Variants in RAB3C observed in about 807,000 individuals in gnomAD.
RAB3C encodes ras-related protein Rab-3C.
Under a neutral mutation model 26.4 loss-of-function variants are expected in RAB3C, and 17 were observed. The ratio of observed to expected loss-of-function variants is 0.64; its 90% CI spans 0.44 to 0.97. The LOEUF (loss-of-function observed/expected upper bound fraction) is 0.97. Among genes scored for constraint, RAB3C ranks in the 50% least tolerant of loss-of-function variants. The pLI, the probability that RAB3C is intolerant of heterozygous loss-of-function variation, is 0.00. For synonymous variants in RAB3C, 91 were observed against 95.9 expected (o/e 0.95, Z 0.30); for missense variants, 242 against 281.9 (o/e 0.86, Z 1.01).
At chr5:58,788,681 G>C (rs576458221) in intron 3 of RAB3C, among the ~76,000 whole-genome samples, 1 of 152,244 alleles carries the variant, frequency 6.6e-6, no homozygotes, top group South Asian at 2.1e-4. Context: ...GGGAGAGAAA[G>C]GAGGGACATT....
At chr5:58,849,420 A>G (rs1243178614) in intron 4 of RAB3C, among the ~76,000 whole-genome samples, 1 of 152,192 alleles carries the variant, frequency 6.6e-6, no homozygotes, top group Non-Finnish European at 1.5e-5. Flanking sequence ...GCTTAGATCC[A>G]TGCTTGCCTT....
At chr5:58,836,124 A>G (rs369338305) in intron 4 of RAB3C, among the ~76,000 whole-genome samples, 7 of 152,314 alleles carry the variant, frequency 4.6e-5, no homozygotes, top group South Asian at 2.1e-4. Context: ...CTGTTAGACA[A>G]TCAGTGTATC....
intron 3 of RAB3C, among the ~76,000 whole-genome samples, chr5:58,756,632 G>T (rs1385927414): frequency 6.8e-6 from 1 of 146,342 alleles, no homozygotes; most frequent in African/African-American, 2.5e-5. Context: ...CATATTTTGG[G>T]TACCATTATA....
At chr5:58,710,234 G>A (rs1288700277) in intron 2 of RAB3C, among the ~76,000 whole-genome samples, 2 of 152,024 alleles carry the variant, frequency 1.3e-5, no homozygotes. Context: ...CAACTAATAA[G>A]TAAATTGGAC....
intron 2 of RAB3C, among the ~76,000 whole-genome samples, chr5:58,712,644 C>A (rs1749085698): frequency 6.6e-6 from 1 of 152,164 alleles, no homozygotes; most frequent in Non-Finnish European, 1.5e-5. Flanking sequence ...CCTACCTCAG[C>A]CTCCCAAGTA....
intron 2 of RAB3C, among the ~76,000 whole-genome samples, chr5:58,719,724 C>A (rs929415907): frequency 1.3e-5 from 2 of 151,862 alleles, no homozygotes; most frequent in Non-Finnish European, 2.9e-5. Context: ...TCTGCCTCTG[C>A]CTTTACATGG....
Position 58,757,758 on chromosome 5 carries a change from A to G in RAB3C, c.371+31638A>G, listed in dbSNP as rs371171566. Among the ~76,000 whole-genome samples, 97 of 152,354 alleles carry G rather than the reference A, an allele frequency of 6.4e-4. 2 individuals carry two copies. In the South Asian group the frequency reaches 0.018, roughly 29 times the overall value. ...CATGCTAGTATCTAGTTTCTCATCAAGATTTCCCTCTAGATTTAGCATCCA... is the reference window on the plus strand; with the variant it reads ...CATGCTAGTATCTAGTTTCTCATCAGGATTTCCCTCTAGATTTAGCATCCA... On this transcript the variant is annotated intron_variant, in intron 3 of 4. Coordinates refer to ENST00000282878, the MANE Select transcript of RAB3C (RefSeq NM_138453.4).
intron 2 of RAB3C, among the ~76,000 whole-genome samples, chr5:58,694,720 C>T (rs975227256): frequency 6.6e-6 from 1 of 152,194 alleles, no homozygotes; most frequent in Non-Finnish European, 1.5e-5. Flanking sequence ...CTGTTGGCTG[C>T]ATAGATGTCT....
chr5:58,757,643 A>G (rs1741703778), intron 3 of RAB3C, among the ~76,000 whole-genome samples: 1 of 152,178 alleles, frequency 6.6e-6, no homozygotes. Context: ...AATCAGCCAT[A>G]CAAGTGTTTT....
At chr5:58,731,688 G>T (rs993750485) in intron 3 of RAB3C, among the ~76,000 whole-genome samples, 1 of 152,152 alleles carries the variant, frequency 6.6e-6, no homozygotes, top group African/African-American at 2.4e-5. Context: ...CTTCAGAGGT[G>T]CTTTATGAAT....
At chr5:58,717,131 A>G (rs1280976954) in intron 2 of RAB3C, among the ~76,000 whole-genome samples, 1 of 152,084 alleles carries the variant, frequency 6.6e-6, no homozygotes. Context: ...CTTTTTAAAA[A>G]GTTGATTATT....
intron 1 of RAB3C, among the ~76,000 whole-genome samples, chr5:58,612,518 GTGTATATATA>G (rs1386898327): frequency 2.0e-4 from 8 of 40,580 alleles, no homozygotes; most frequent in African/African-American, 6.3e-4. Context: ...GTGTGTGTGT[GTGTATATATA>G]TATATATATA....
chr5:58,782,061 T>G (rs1742281839), intron 3 of RAB3C, among the ~76,000 whole-genome samples: 2 of 152,278 alleles, frequency 1.3e-5, no homozygotes, highest in African/African-American at 4.8e-5. Flanking sequence ...GTCCTCTGAG[T>G]AAAACTGTGT....
chr5:58,610,201 T>C (rs950185393), intron 1 of RAB3C, among the ~76,000 whole-genome samples: 4 of 151,410 alleles, frequency 2.6e-5, no homozygotes, highest in Non-Finnish European at 5.9e-5. Context: ...TTTCTGTGTG[T>C]GTGTGTGTGT....
intron 3 of RAB3C, among the ~76,000 whole-genome samples, chr5:58,728,900 A>G (rs1201204488): frequency 2.0e-5 from 3 of 152,014 alleles, no homozygotes; most frequent in Non-Finnish European, 4.4e-5. Flanking sequence ...AAATTTTCTC[A>G]GCTTACCTGA....
intron 4 of RAB3C, among the ~76,000 whole-genome samples, chr5:58,849,658 A>G (rs1744074091): frequency 1.3e-5 from 2 of 152,196 alleles, no homozygotes. Context: ...CCTTGACTCT[A>G]CTGATGTTCT....
intron 3 of RAB3C, among the ~76,000 whole-genome samples, chr5:58,797,339 C>CAAAAAAAAAA (rs1206716376): frequency 7.8e-5 from 1 of 12,746 alleles, no homozygotes; most frequent in Non-Finnish European, 1.9e-4. Flanking sequence ...CCCTGGAAGA[C>CAAAAAAAAAA]AAAAAAAAAA....
intron 2 of RAB3C, among the ~76,000 whole-genome samples, chr5:58,687,679 A>G (rs1748473996): frequency 6.6e-6 from 1 of 152,116 alleles, no homozygotes; most frequent in Non-Finnish European, 1.5e-5. Context: ...CCTAGAGAGG[A>G]GGTAGCTTAA....
chr5:58,844,207 C>G (rs1267398917), intron 4 of RAB3C, among the ~76,000 whole-genome samples: 2 of 152,124 alleles, frequency 1.3e-5, no homozygotes, highest in Admixed American at 6.5e-5. Context: ...GGTGATTAAC[C>G]TTTGTACATC....
Sources: gnomAD v4.1 joint callset for allele counts (sites outside exome capture counted in the v4.1 genomes callset) on GRCh38, gnomAD v4.1.1 for gene constraint, MANE v1.5 for transcripts, NCBI Gene and HGNC (gene_info 2026-07-23, HGNC 2026-07-21) for gene names.